Variants in MVB12B observed in about 807,000 individuals in gnomAD.
The protein encoded by MVB12B is ESCRT-I complex subunit MVB12B.
A neutral mutation model predicts 41.6 loss-of-function variants in MVB12B; 16 were observed. That is an observed-to-expected ratio of 0.38 (90% CI 0.26 to 0.58). The LOEUF is 0.58. MVB12B is among the 20% of genes least tolerant of loss of function. MVB12B has a pLI of 0.62. For missense variants in MVB12B, 274 were observed against 380.2 expected, an observed-to-expected ratio of 0.72 and a Z score of 2.32; for synonymous variants, 133 against 139.7, an observed-to-expected ratio of 0.95 and a Z score of 0.34.
rs547257548 is a variant in MVB12B, at chr9:126,376,471, A to G, written c.205-4593A>G. On this transcript the variant is annotated intron_variant, in intron 2 of 9. Coordinates refer to ENST00000361171, the MANE Select transcript of MVB12B (RefSeq NM_033446.3). The surrounding 1 kb of genome is among the most constrained non-coding windows in gnomAD (Gnocchi z 4.1). ...ATGGAGGCACCAGCTCATGGGCTGG[A>G]GCCCTGTGGGTGGGGGGCCTGCTGG... 7.9e-7 allele frequency: 1 copy of G among 1,270,576 alleles called. No homozygotes were observed. The highest frequency in any genetic ancestry group is 1.0e-6 in the Non-Finnish European group (1 of 972,380). 78.7% of individuals were successfully genotyped at this position (1,270,576 alleles called of 1,614,324 possible). A position where few individuals can be genotyped will look rare whatever the true frequency, so the allele number is the denominator to read the frequency against.
At chr9:126,394,650 AGCTGGAG>A (rs1395778382) in intron 5 of MVB12B, among the ~76,000 whole-genome samples, 3 of 152,246 alleles carry the variant, frequency 2.0e-5, no homozygotes, top group Admixed American at 6.5e-5. Flanking sequence ...AAAGCCTGGC[AGCTGGAG>A]GCCACGGCCC....
At chr9:126,415,726 T>C (rs1431053477) in intron 6 of MVB12B, among the ~76,000 whole-genome samples, 3 of 152,114 alleles carry the variant, frequency 2.0e-5, no homozygotes, top group African/African-American at 7.2e-5. Flanking sequence ...GCGCTCACTG[T>C]GTACTGGGCA....
intron 7 of MVB12B, among the ~76,000 whole-genome samples, chr9:126,429,105 T>TA (rs1425354543): frequency 6.6e-6 from 1 of 152,160 alleles, no homozygotes; most frequent in African/African-American, 2.4e-5. Flanking sequence ...AGTGAAAAGA[T>TA]ATGTATAATA....
Position 126,459,836 on chromosome 9 carries a change from T to G in MVB12B, c.758-21533T>G, listed in dbSNP as rs1383209066. ...TTGTCTCACAGTCAGAATCGCCAGC[T>G]TCAGCCCACCCATCTCGAGGGAGAG... is the stretch of plus-strand genomic sequence containing the variant. On this transcript the variant is annotated intron_variant, in intron 7 of 9. Transcript: ENST00000361171. This position sits in a 1 kb window ranked among gnomAD's most constrained non-coding sequence, Gnocchi z 4.3. Among the ~76,000 whole-genome samples, 1 of 152,172 alleles carries G rather than the reference T, an allele frequency of 6.6e-6. No individual in the cohort carries two copies. The highest frequency in any genetic ancestry group is 1.5e-5 in the Non-Finnish European group (1 of 68,024).
At position 126,404,773 on chromosome 9, in the gene MVB12B, G is replaced by A. The variant is rs538794716; in HGVS notation, c.662+9076G>A. Among the ~76,000 whole-genome samples, 6 of 152,372 alleles carry A rather than the reference G, an allele frequency of 3.9e-5. No individual in the cohort carries two copies. The South Asian group carries it at 6.2e-4, about 16-fold the overall frequency. On this transcript the variant is annotated intron_variant, in intron 6 of 9. Coordinates refer to ENST00000361171, the MANE Select transcript of MVB12B (RefSeq NM_033446.3). The stretch of plus-strand genomic sequence containing the variant: ...CACCATCCCTCCCTCGCTTTGAAGC[G>A]GGCGTTTAAGCAGGGTTACGAGCAG...
chr9:126,384,989 C>G (rs776189747), intron 3 of MVB12B, among the ~76,000 whole-genome samples: 14 of 152,034 alleles, frequency 9.2e-5, no homozygotes, highest in Non-Finnish European at 1.6e-4. Context: ...TGCATGAGTG[C>G]CACCACACCC....
intron 7 of MVB12B, among the ~76,000 whole-genome samples, chr9:126,471,397 C>CCT (rs1206640703): frequency 6.6e-6 from 1 of 152,214 alleles, no homozygotes; most frequent in Admixed American, 6.5e-5. Context: ...TCCCGTGCTG[C>CCT]CTCTCACGCG....
intron 9 of MVB12B, among the ~76,000 whole-genome samples, chr9:126,496,350 C>T (rs1833835187): frequency 7.7e-6 from 1 of 130,238 alleles, no homozygotes; most frequent in South Asian, 3.0e-4. Flanking sequence ...TTAACCCATT[C>T]ACTCATGCAC....
intron 9 of MVB12B, among the ~76,000 whole-genome samples, chr9:126,493,481 C>CT (rs1211259611): frequency 6.6e-6 from 1 of 152,114 alleles, no homozygotes; most frequent in African/African-American, 2.4e-5. Context: ...TTAGTTCTCT[C>CT]TTTTTTCCCC....
At chr9:126,443,812 C>T (rs191751889) in intron 7 of MVB12B, among the ~76,000 whole-genome samples, 2 of 152,344 alleles carry the variant, frequency 1.3e-5, no homozygotes, top group Non-Finnish European at 2.9e-5. Context: ...ATAGCCGCCT[C>T]CAGAAACAAG....
intron 6 of MVB12B, among the ~76,000 whole-genome samples, chr9:126,420,921 C>T (rs528617903): frequency 6.6e-6 from 1 of 152,254 alleles, no homozygotes; most frequent in African/African-American, 2.4e-5. Context: ...TAATTGACCA[C>T]TTACTTTATG....
intron 1 of MVB12B, among the ~76,000 whole-genome samples, chr9:126,331,285 ATGTT>A (rs1254058267): frequency 6.6e-6 from 1 of 152,034 alleles, no homozygotes; most frequent in African/African-American, 2.4e-5. Flanking sequence ...TTTTGTTTGT[ATGTT>A]TGTTTGTTTT....
intron 9 of MVB12B, among the ~76,000 whole-genome samples, chr9:126,494,225 C>T (rs1446005907): frequency 6.6e-6 from 1 of 151,896 alleles, no homozygotes; most frequent in Non-Finnish European, 1.5e-5. Context: ...ATTTTTTCTC[C>T]CCAAGCATAT....
intron 7 of MVB12B, among the ~76,000 whole-genome samples, chr9:126,426,569 C>T (rs563795432): frequency 2.0e-5 from 3 of 152,182 alleles, no homozygotes; most frequent in South Asian, 4.1e-4. Context: ...AATGGTGGCA[C>T]CCTACCTTTT....
chr9:126,350,803 G>A (rs1481695995), intron 2 of MVB12B, among the ~76,000 whole-genome samples: 2 of 152,154 alleles, frequency 1.3e-5, no homozygotes, highest in African/African-American at 2.4e-5. Flanking sequence ...TTGAGGGGAC[G>A]TTCAAACTAT....
chr9:126,339,648 G>A (rs1829382914), intron 1 of MVB12B, among the ~76,000 whole-genome samples: 1 of 152,132 alleles, frequency 6.6e-6, no homozygotes, highest in Admixed American at 6.5e-5. Flanking sequence ...TTGGCTTTGA[G>A]TAAGTGCCCA....
At chr9:126,368,070 G>T (rs1319819827) in intron 2 of MVB12B, among the ~76,000 whole-genome samples, 1 of 152,260 alleles carries the variant, frequency 6.6e-6, no homozygotes. Context: ...CGGAAGGGAA[G>T]CAGTGGTTTC....
Position 126,492,712 on chromosome 9 carries a change from A to G in MVB12B, c.873+8680A>G, listed in dbSNP as rs547986659. ...AAAAATTATCCAGGCACAGTGGCTC[A>G]TGCCTTTCTTCCCAGCTACTCAGGA... On this transcript the variant is annotated intron_variant, in intron 9 of 9. Transcript: ENST00000361171. 1.6e-3 allele frequency among the ~76,000 whole-genome samples: 245 copies of G among 152,332 alleles called. 1 individual carries two copies. Among genetic ancestry groups the G allele is most frequent in the African/African-American group, 4.7e-3 (194 of 41,572 alleles).
intron 9 of MVB12B, among the ~76,000 whole-genome samples, chr9:126,502,273 C>T (rs191991631): frequency 3.2e-4 from 49 of 152,250 alleles, no homozygotes; most frequent in African/African-American, 1.1e-3. Flanking sequence ...GCTGCCAGCC[C>T]ATTTCTGTGG....
Sources: allele counts gnomAD v4.1 joint callset (sites outside exome capture counted in the v4.1 genomes callset), GRCh38; gene constraint gnomAD v4.1.1; non-coding constraint Gnocchi (gnomAD v3.1); transcripts MANE v1.5; gene names NCBI Gene and HGNC (gene_info 2026-07-23, HGNC 2026-07-21).